The following TPM1 variants were observed in gnomAD, a reference collection of about 807,000 sequenced individuals.
TPM1 encodes the protein tropomyosin 1.
A neutral mutation model predicts 42.9 loss-of-function variants in TPM1; 24 were observed. That is an observed-to-expected ratio of 0.56 (90% CI 0.41 to 0.79). The LOEUF (loss-of-function observed/expected upper bound fraction) is 0.79. Among genes scored for constraint, TPM1 ranks in the 30% least tolerant of loss-of-function variants. The pLI, the probability that TPM1 is intolerant of heterozygous loss-of-function variation, is 0.00. For missense variants in TPM1, 158 were observed against 351.8 expected (o/e 0.45, Z 4.41); for synonymous variants, 136 against 130.1 (o/e 1.05, Z -0.31).
chr15:63,070,376 T>C, downstream of TPM1: 1 of 998,534 alleles, frequency 1.0e-6, no homozygotes, highest in Non-Finnish European at 1.2e-6. Flanking sequence ...ATATCTGGTA[T>C]AGTGTTTGAA....
At chr15:63,057,700 T>G (rs1012389852) in intron 3 of TPM1, among the ~76,000 whole-genome samples, 1 of 152,260 alleles carries the variant, frequency 6.6e-6, no homozygotes, top group African/African-American at 2.4e-5. Context: ...CACTGTAATC[T>G]GGCTGTAGCT....
chr15:63,045,331 T>C (rs1243783308), intron 2 of TPM1: 1 of 150,370 alleles, frequency 6.7e-6, no homozygotes, highest in Non-Finnish European at 1.5e-5. Flanking sequence ...AAATTTTCAG[T>C]GAAAATCAAG....
chr15:63,057,132 A>G lies in TPM1; in HGVS notation c.374+14A>G, dbSNP rs1289096917. Reference sequence around the variant, plus strand: ...TGAGAGTGAGAGGTGAGAATGCCTCATCAGCCATCTTTTGCAGCTGCCTTT... The same window carrying G: ...TGAGAGTGAGAGGTGAGAATGCCTCGTCAGCCATCTTTTGCAGCTGCCTTT... On this transcript the variant is annotated intron_variant, in intron 3 of 9. Coordinates refer to ENST00000403994, the MANE Select transcript of TPM1 (RefSeq NM_001018005.2). 6.2e-7 allele frequency: 1 copy of G among 1,613,996 alleles called. No individual in the cohort carries two copies. Among genetic ancestry groups the G allele is most frequent in the Non-Finnish European group, 8.5e-7 (1 of 1,179,966 alleles).
chr15:63,069,066 T>A (rs574471936), downstream of TPM1, among the ~76,000 whole-genome samples: 5 of 152,052 alleles, frequency 3.3e-5, no homozygotes, highest in Admixed American at 3.3e-4. Context: ...GGCAGGAGAT[T>A]GGCATGAACC....
Position 63,062,742 on chromosome 15 carries a change from TC to T in TPM1, c.772+99del, listed in dbSNP as rs58882433. Reference sequence around the variant, plus strand: ...TTCAAGGGCATCCACATTGATACGCTCCTTTGCACTTGCACATTCTTCCTGT... The same window carrying T: ...TTCAAGGGCATCCACATTGATACGCTCTTTGCACTTGCACATTCTTCCTGT... On this transcript the variant is annotated intron_variant, in intron 8 of 9. Transcript: ENST00000403994. 784 of 1,598,654 alleles carry T rather than the reference TC, an allele frequency of 4.9e-4. 4 individuals are homozygous for T. The African/African-American group carries it at 9.4e-3, about 19-fold the overall frequency.
At chr15:63,054,159 AC>A (rs2034405028) in intron 2 of TPM1, among the ~76,000 whole-genome samples, 1 of 152,004 alleles carries the variant, frequency 6.6e-6, no homozygotes, top group Admixed American at 6.5e-5. Flanking sequence ...TGTGTGCCCT[AC>A]CATTCCTCCC....
chr15:63,051,893 G>GTT (rs5813189), intron 2 of TPM1, among the ~76,000 whole-genome samples: 1 of 96,974 alleles, frequency 1.0e-5, no homozygotes, highest in Non-Finnish European at 2.2e-5. Context: ...CATAAAAGTT[G>GTT]TTTTTTTTTT....
intron 8 of TPM1, chr15:63,062,989 A>G: frequency 2.2e-6 from 3 of 1,376,750 alleles, no homozygotes; most frequent in Non-Finnish European, 2.8e-6. Context: ...TCCTAATTAA[A>G]TTGGGAATGA....
chr15:63,069,916 A>T (rs187444963), downstream of TPM1: 6 of 1,614,024 alleles, frequency 3.7e-6, no homozygotes, highest in African/African-American at 1.3e-5. Flanking sequence ...TCACTAATGA[A>T]CTAAAGCTGG....
chr15:63,070,290 G>A (rs182044936), downstream of TPM1: 116 of 502,690 alleles, frequency 2.3e-4, no homozygotes, highest in Middle Eastern at 7.9e-4. Context: ...CTTTAAGTAT[G>A]TATATATATA....
In TPM1 at chr15:63,043,406, CGGAA is replaced by C. The variant is rs1431686657; in HGVS notation, c.114+464_114+467del. ...TTGTTACCTAAGAACAAAGATGGGG[CGGAA>C]TGGAGGCTACAGCCCGAAAGCCAGG... On this transcript the variant is annotated intron_variant, in intron 1 of 9. Coordinates refer to ENST00000403994, the MANE Select transcript of TPM1 (RefSeq NM_001018005.2). The C allele has an allele frequency of 4.9e-6, 3 of 617,810 alleles. No individual in the cohort carries two copies. The African/African-American group carries it at 5.4e-5, about 11-fold the overall frequency. The allele number at this position is 617,810 out of a possible 1,614,324, so 38.3% of individuals were successfully genotyped here. A position where few individuals can be genotyped will look rare whatever the true frequency, so the allele number is the denominator to read the frequency against.
downstream of TPM1, chr15:63,066,278 C>CA (rs2036267294): frequency 4.5e-6 from 4 of 895,112 alleles, no homozygotes; most frequent in Admixed American, 4.8e-5. Context: ...TGTTGAACTT[C>CA]AAAAAAATAC....
At chr15:63,069,829 T>C (rs1232270783), downstream of TPM1, 5 of 1,613,602 alleles carry the variant, frequency 3.1e-6, no homozygotes, top group Middle Eastern at 1.7e-4. Context: ...CCTGTCTTCC[T>C]TCTGCCTCTT....
chr15:63,066,392 C>G (rs908668775), downstream of TPM1, among the ~76,000 whole-genome samples: 9 of 152,190 alleles, frequency 5.9e-5, no homozygotes, highest in African/African-American at 1.2e-4. Context: ...GCTTTGCAGT[C>G]TGGGTCACAC....
At chr15:63,070,290 G>GTATATATATATATATATA (rs1555411993), downstream of TPM1, 339 of 502,782 alleles carry the variant, frequency 6.7e-4, 2 homozygotes, top group East Asian at 6.2e-3. Flanking sequence ...CTTTAAGTAT[G>GTATATATATATATATATA]TATATATATA....
rs1443018962 is a variant in TPM1 at position 63,062,001 on chromosome 15, T to C, written c.639+213T>C. 4 of 667,248 alleles carry C rather than the reference T, an allele frequency of 6.0e-6. No homozygotes were observed. In the East Asian group the frequency reaches 1.1e-4, roughly 18 times the overall value. The allele number at this position is 667,248 out of a possible 1,614,324, so 41.3% of individuals were successfully genotyped here. A position where few individuals can be genotyped will look rare whatever the true frequency, so the allele number is the denominator to read the frequency against. On this transcript the variant is annotated intron_variant, in intron 6 of 9. Transcript: ENST00000403994. Reference sequence around the variant, plus strand: ...AGGCATCAATTTAATTTAAACCAAGTGCCAAGTGGATAAGTTATCTTGTTG... The same window carrying C: ...AGGCATCAATTTAATTTAAACCAAGCGCCAAGTGGATAAGTTATCTTGTTG...
chr15:63,050,632 C>T (rs890575172), intron 2 of TPM1, among the ~76,000 whole-genome samples: 1 of 152,168 alleles, frequency 6.6e-6, no homozygotes, highest in Non-Finnish European at 1.5e-5. Flanking sequence ...TAAGTAGTTT[C>T]AATTTTTTTA....
chr15:63,048,989 C>T, intron 2 of TPM1: 1 of 452,914 alleles, frequency 2.2e-6, no homozygotes, highest in Non-Finnish European at 4.0e-6. Flanking sequence ...CAGGAAGGGT[C>T]TGTTTCTGGG....
intron 2 of TPM1, chr15:63,046,242 T>C (rs1049019442): frequency 6.6e-6 from 1 of 152,218 alleles, no homozygotes; most frequent in African/African-American, 2.4e-5. Flanking sequence ...GCTACTCTCA[T>C]ATATGCAGCC....
Sources: gnomAD v4.1 joint callset for allele counts (sites outside exome capture counted in the v4.1 genomes callset) on GRCh38, gnomAD v4.1.1 for gene constraint, MANE v1.5 for transcripts, NCBI Gene and HGNC (gene_info 2026-07-23, HGNC 2026-07-21) for gene names.